The following NWD2 variants were observed in gnomAD, a reference collection of about 807,000 sequenced individuals.
NWD2 encodes the protein NACHT and WD repeat domain-containing protein 2.
In NWD2, 37 loss-of-function variants were observed where a neutral mutation model predicts 132.7. The observed-to-expected ratio is 0.28, with a 90% CI of 0.21 to 0.37. The LOEUF (loss-of-function observed/expected upper bound fraction) is 0.37. Among genes scored for constraint, NWD2 ranks in the 10% least tolerant of loss-of-function variants. The probability of loss-of-function intolerance (pLI) is 1.00; values close to 1 mark genes in which losing one functional copy is unlikely to be tolerated. For synonymous variants in NWD2, 705 were observed against 803.0 expected (o/e 0.88, Z 2.06); for missense variants, 1,592 against 2,122.4 (o/e 0.75, Z 4.91).
rs1712635466 is a variant in NWD2, at chr4:37,446,363, G to C, written c.4375G>C (p.Val1459Leu). The change falls in exon 7 of 7, where the codon GTG becomes CTG. Residue 1459 changes from valine to leucine, a missense_variant. Physicochemically the swap from Val to Leu is conservative, Grantham distance 32. This residue lies in a region of NWD2 where 24 missense variants were observed against 65.2 expected (regional missense o/e 0.37). Transcript: ENST00000309447. This position sits in a 1 kb window ranked among gnomAD's most constrained non-coding sequence, Gnocchi z 6.7. ...CGTGGTGGGAATGACTAAAAGCAAA[G>C]TGTTGGCAGTCAGTCTTTGGACAGG... is the stretch of plus-strand genomic sequence containing the variant. ...TFVVGMTKSKVLAVSLWTGSI... is the reference protein window; with the variant it reads ...TFVVGMTKSKLLAVSLWTGSI... 1.3e-6 allele frequency: 2 copies of C among 1,551,898 alleles called. No individual in the cohort carries two copies. Among genetic ancestry groups the C allele is most frequent in the East Asian group, 4.9e-5 (2 of 40,928 alleles).
intron 1 of NWD2, among the ~76,000 whole-genome samples, chr4:37,307,507 G>C (rs1477215630): frequency 6.6e-6 from 1 of 152,110 alleles, no homozygotes; most frequent in Non-Finnish European, 1.5e-5. Flanking sequence ...TAGTCTGAAG[G>C]GGATTTCATT....
intron 1 of NWD2, among the ~76,000 whole-genome samples, chr4:37,284,078 T>C (rs1381012086): frequency 6.6e-6 from 1 of 152,222 alleles, no homozygotes; most frequent in South Asian, 2.1e-4. Flanking sequence ...TGGACTGTTA[T>C]AACAAAATAC....
At chr4:37,256,729 CAATAAG>C (rs1382405917) in intron 1 of NWD2, among the ~76,000 whole-genome samples, 2 of 152,064 alleles carry the variant, frequency 1.3e-5, no homozygotes, top group East Asian at 3.8e-4. Context: ...ATTTCAGTAA[CAATAAG>C]AATATGTAGG....
chr4:37,389,677 C>T (rs1391713718), intron 3 of NWD2, among the ~76,000 whole-genome samples: 1 of 152,218 alleles, frequency 6.6e-6, no homozygotes, highest in East Asian at 1.9e-4. Flanking sequence ...GGAGTCTCAC[C>T]CTTCATCAGC....
At chr4:37,250,058 C>A (rs549308114) in intron 1 of NWD2, among the ~76,000 whole-genome samples, 156 of 152,178 alleles carry the variant, frequency 1.0e-3, no homozygotes, top group African/African-American at 3.6e-3. Context: ...CATCATTATT[C>A]TTCTTACTTT....
At chr4:37,427,358 A>C (rs1408155017) in intron 3 of NWD2, among the ~76,000 whole-genome samples, 1 of 152,200 alleles carries the variant, frequency 6.6e-6, no homozygotes, top group Non-Finnish European at 1.5e-5. Context: ...TTACCCTAAA[A>C]GAGATAATGT....
At chr4:37,294,464 T>C (rs905029989) in intron 1 of NWD2, among the ~76,000 whole-genome samples, 54 of 152,260 alleles carry the variant, frequency 3.5e-4, no homozygotes, top group African/African-American at 1.2e-3. Flanking sequence ...TAGGAGCAGC[T>C]AAGAAGGATA....
intron 1 of NWD2, among the ~76,000 whole-genome samples, chr4:37,288,768 T>C (rs1353452588): frequency 6.6e-6 from 1 of 152,196 alleles, no homozygotes; most frequent in Admixed American, 6.5e-5. Flanking sequence ...TATTAAACAA[T>C]GGTAAACAAT....
chr4:37,420,634 G>T (rs550563346), intron 3 of NWD2, among the ~76,000 whole-genome samples: 1 of 152,296 alleles, frequency 6.6e-6, no homozygotes, highest in Non-Finnish European at 1.5e-5. Flanking sequence ...AGTGAGCTGA[G>T]ATCGCACCAC....
chr4:37,361,764 A>G (rs1262597104), intron 3 of NWD2, among the ~76,000 whole-genome samples: 1 of 152,220 alleles, frequency 6.6e-6, no homozygotes, highest in Non-Finnish European at 1.5e-5. Flanking sequence ...GACTGGAAGA[A>G]CATAAGAATA....
Position 37,357,960 on chromosome 4 carries a change from A to G in NWD2, c.357+1478A>G, listed in dbSNP as rs185915889. On this transcript the variant is annotated intron_variant, in intron 3 of 6. Transcript: ENST00000309447. ...GGGGTTGGCATGTTCAGGAAACAGC[A>G]AGCAGGCCTCTGTGCCTAGAACAAG... 4.6e-5 allele frequency among the ~76,000 whole-genome samples: 7 copies of G among 152,226 alleles called. No individual in the cohort carries two copies. In the East Asian group the frequency reaches 1.4e-3, roughly 29 times the overall value.
chr4:37,349,311 C>T (rs1486820787), intron 2 of NWD2, among the ~76,000 whole-genome samples: 6 of 152,268 alleles, frequency 3.9e-5, no homozygotes, highest in Non-Finnish European at 7.4e-5. Flanking sequence ...AGCGTGAAAG[C>T]GTTCTGACTT....
chr4:37,431,051 G>A (rs1050491953), intron 4 of NWD2, among the ~76,000 whole-genome samples: 2 of 152,156 alleles, frequency 1.3e-5, no homozygotes, highest in South Asian at 2.1e-4. Context: ...AAGGAACCCT[G>A]TTACACTGTT....
chr4:37,447,210 A>C lies in NWD2; in HGVS notation c.5222A>C (p.Asp1741Ala). 1 of 1,543,528 alleles carries C rather than the reference A, an allele frequency of 6.5e-7. No individual in the cohort carries two copies. The stretch of plus-strand genomic sequence containing the variant: ...GCCAGGGGCCACAGCTATGCCCCTG[A>C]TAACTGACAAAATGTTTTCCAGCTA... ...LEARGHSYAP[D>A]N is the part of the protein sequence containing the mutation. The change falls in exon 7 of 7, where the codon GAT becomes GCT. Residue 1741 changes from aspartate (D) to alanine (A), a missense_variant. Physicochemically the swap from Asp to Ala is moderately radical, Grantham distance 126. Coordinates refer to ENST00000309447, the MANE Select transcript of NWD2 (RefSeq NM_001144990.2).
At chr4:37,363,842 G>T (rs184546741) in intron 3 of NWD2, among the ~76,000 whole-genome samples, 1 of 152,142 alleles carries the variant, frequency 6.6e-6, no homozygotes, top group African/African-American at 2.4e-5. Flanking sequence ...AAAAGCAGAC[G>T]GCCGGGCGCA....
intron 1 of NWD2, among the ~76,000 whole-genome samples, chr4:37,258,524 A>C (rs1577646319): frequency 6.6e-6 from 1 of 152,354 alleles, no homozygotes; most frequent in East Asian, 1.9e-4. Flanking sequence ...TGCAGATCTC[A>C]GAGTAAAATG....
intron 1 of NWD2, among the ~76,000 whole-genome samples, chr4:37,252,698 C>T (rs1182715429): frequency 3.3e-5 from 5 of 152,174 alleles, no homozygotes; most frequent in Non-Finnish European, 5.9e-5. Context: ...GCACCCAGTT[C>T]TCCTCCATGA....
chr4:37,331,907 G>A (rs1719300985), intron 2 of NWD2, among the ~76,000 whole-genome samples: 1 of 152,142 alleles, frequency 6.6e-6, no homozygotes, highest in Non-Finnish European at 1.5e-5. Flanking sequence ...GTGGGAGTTT[G>A]CATTAGAATT....
rs553241403 is a variant in NWD2, at chr4:37,388,302, G to A, written c.357+31820G>A. ...AGGTTCAAGCTACCCTCCTGCCTCA[G>A]CCTCCCAAGTAGCCAGGACTACAGG... is the stretch of plus-strand genomic sequence containing the variant. On this transcript the variant is annotated intron_variant, in intron 3 of 6. Transcript: ENST00000309447. 7.2e-5 allele frequency among the ~76,000 whole-genome samples: 11 copies of A among 152,062 alleles called. No individual in the cohort carries two copies. The East Asian group carries it at 2.1e-3, about 29-fold the overall frequency.
Sources: gnomAD v4.1 joint callset for allele counts (sites outside exome capture counted in the v4.1 genomes callset) on GRCh38, gnomAD v4.1.1 for gene constraint, gnomAD v4.1.1 regional missense constraint, Gnocchi (gnomAD v3.1) non-coding constraint, MANE v1.5 for transcripts, NCBI Gene and HGNC (gene_info 2026-07-23, HGNC 2026-07-21) for gene names.